Variants in PIK3CB observed in about 807,000 individuals in gnomAD.
PIK3CB encodes the protein phosphatidylinositol 4,5-bisphosphate 3-kinase catalytic subunit beta isoform.
A neutral mutation model predicts 136.8 loss-of-function variants in PIK3CB; 39 were observed. The observed-to-expected ratio is 0.29, with a 90% CI of 0.22 to 0.37. The LOEUF (loss-of-function observed/expected upper bound fraction) is 0.37. Ranked by LOEUF, PIK3CB falls within the 10% of genes least tolerant of loss-of-function variation. The pLI, the probability that PIK3CB is intolerant of heterozygous loss-of-function variation, is 1.00. For missense variants in PIK3CB, 868 were observed against 1,275.4 expected, an observed-to-expected ratio of 0.68 and a Z score of 4.87; for synonymous variants, 428 against 436.6, an observed-to-expected ratio of 0.98 and a Z score of 0.25.
intron 2 of PIK3CB, among the ~76,000 whole-genome samples, chr3:138,780,730 G>A (rs1420699786): frequency 4.0e-5 from 6 of 151,864 alleles, no homozygotes; most frequent in Non-Finnish European, 8.8e-5. Flanking sequence ...ATACAGTGGC[G>A]CCATCTTAGC....
intron 12 of PIK3CB, among the ~76,000 whole-genome samples, chr3:138,701,890 A>G (rs766927304): frequency 1.6e-4 from 24 of 151,004 alleles, no homozygotes; most frequent in South Asian, 1.2e-3. Flanking sequence ...TCATACTCAC[A>G]TGACAATATC....
At chr3:138,744,392 CAAAAAAAAAAAAAAAA>C (rs60503033) in intron 4 of PIK3CB, among the ~76,000 whole-genome samples, 18 of 45,108 alleles carry the variant, frequency 4.0e-4, no homozygotes, top group Admixed American at 2.7e-3. Flanking sequence ...GAGACTCCCC[CAAAAAAAAAAAAAAAA>C]AAAAAAAAAA....
At chr3:138,785,355 G>A (rs997816653) in intron 2 of PIK3CB, among the ~76,000 whole-genome samples, 2 of 152,186 alleles carry the variant, frequency 1.3e-5, no homozygotes, top group South Asian at 4.1e-4. Flanking sequence ...CCATGATGAC[G>A]ATGGCAGTTT....
chr3:138,704,322 C>A, intron 12 of PIK3CB, 121 bp downstream of exon 12: 1 of 766,392 alleles, frequency 1.3e-6, no homozygotes, highest in South Asian at 1.5e-5. Context: ...CTTACCCACA[C>A]TCACAGACTG....
intron 11 of PIK3CB, among the ~76,000 whole-genome samples, chr3:138,704,895 A>G (rs2044330915): frequency 6.6e-6 from 1 of 152,026 alleles, no homozygotes; most frequent in Admixed American, 6.6e-5. Flanking sequence ...CCAAAAGTAG[A>G]AGTAACGACA....
intron 2 of PIK3CB, among the ~76,000 whole-genome samples, chr3:138,791,090 T>G (rs2108814561): frequency 6.6e-6 from 1 of 152,194 alleles, no homozygotes; most frequent in South Asian, 2.1e-4. Context: ...AAAATCTGTT[T>G]TATTGTACAC....
chr3:138,819,101 C>A (rs1022620663), intron 1 of PIK3CB, among the ~76,000 whole-genome samples: 8 of 152,178 alleles, frequency 5.3e-5, no homozygotes, highest in African/African-American at 1.7e-4. Context: ...GTAATCCCAG[C>A]ACTTTGGGAG....
chr3:138,755,658 C>T, intron 4 of PIK3CB, 96 bp downstream of exon 4: 1 of 612,512 alleles, frequency 1.6e-6, no homozygotes, highest in Non-Finnish European at 2.8e-6. Context: ...GTCCATGGAC[C>T]ACACTTTGAA....
At chr3:138,800,157 T>C (rs941733100) in intron 1 of PIK3CB, among the ~76,000 whole-genome samples, 1 of 152,172 alleles carries the variant, frequency 6.6e-6, no homozygotes, top group Non-Finnish European at 1.5e-5. Flanking sequence ...CCAAGTTACC[T>C]CTTCTAAGAG....
At chr3:138,760,393 C>T (rs145367082) in intron 2 of PIK3CB, among the ~76,000 whole-genome samples, 1 of 152,262 alleles carries the variant, frequency 6.6e-6, no homozygotes, top group Non-Finnish European at 1.5e-5. Flanking sequence ...TGCCTTCCTG[C>T]TGCTAGACCT....
At chr3:138,662,366 G>GT (rs1243976802) in intron 21 of PIK3CB, among the ~76,000 whole-genome samples, 2 of 147,612 alleles carry the variant, frequency 1.4e-5, no homozygotes, top group Non-Finnish European at 3.0e-5. Context: ...GCGGTGTTTG[G>GT]TTTTTTGTCC....
In PIK3CB at chr3:138,727,056, C is replaced by CA. The variant is rs557477112; in HGVS notation, c.1050+6304dup. ...CGGAGCAAGACTGTCTTTAAAAAAA[C>CA]AAAAAACAAACAAAAAGCCCTACAA... On this transcript the variant is annotated intron_variant, in intron 8 of 23. Transcript: ENST00000674063. 3.5e-4 allele frequency among the ~76,000 whole-genome samples: 53 copies of CA among 151,758 alleles called. No homozygotes were observed. In the East Asian group the frequency reaches 5.4e-3, roughly 16 times the overall value.
rs537074470 is a variant in PIK3CB, at chr3:138,674,991, G to A, written c.2504+6976C>T. On this transcript the variant is annotated intron_variant, in intron 19 of 23. Coordinates refer to ENST00000674063, the MANE Select transcript of PIK3CB (RefSeq NM_006219.3). ...GAGAATCGTTTGAACCTGGGAGGTG[G>A]AGGTGTCAGTGAGCCGAGACCGCGC... Among the ~76,000 whole-genome samples, 4 of 152,250 alleles carry A rather than the reference G, an allele frequency of 2.6e-5. No individual in the cohort carries two copies. In the South Asian group the frequency reaches 8.3e-4, roughly 32 times the overall value.
At chr3:138,663,509 G>A (rs895538971) in intron 21 of PIK3CB, among the ~76,000 whole-genome samples, 22 of 152,110 alleles carry the variant, frequency 1.4e-4, no homozygotes, top group African/African-American at 5.1e-4. Context: ...AGTCTCCCAA[G>A]TAGCTGGGAT....
chr3:138,830,083 G>A (rs923714093), intron 1 of PIK3CB, among the ~76,000 whole-genome samples: 11 of 152,266 alleles, frequency 7.2e-5, no homozygotes, highest in Admixed American at 3.3e-4. Context: ...CAGGCCGGAA[G>A]CCCTGGGGCA....
At position 138,759,279 on chromosome 3, in the gene PIK3CB, G is replaced by A. The variant is rs1195526427; in HGVS notation, c.65C>T (p.Ser22Leu). Reference sequence around the variant, plus strand: ...TATGGAGCCATCAGATGCTATCTGTGAATCCACCGCCCAGATGTCAAGGAT... The same window carrying A: ...TATGGAGCCATCAGATGCTATCTGTAAATCCACCGCCCAGATGTCAAGGAT... ...ADILDIWAVDSQIASDGSIPV... is the reference protein window; with the variant it reads ...ADILDIWAVDLQIASDGSIPV... The change falls in exon 3 of 24, where the codon TCA (serine) becomes TTA (leucine). Residue 22 changes from serine to leucine, a missense_variant. By Grantham distance (145) the Ser-to-Leu change is moderately radical. Coordinates refer to ENST00000674063, the MANE Select transcript of PIK3CB (RefSeq NM_006219.3). 6.2e-7 allele frequency: 1 copy of A among 1,613,120 alleles called. No homozygotes were observed. The highest frequency in any genetic ancestry group is 2.2e-5 in the East Asian group (1 of 44,888).
intron 2 of PIK3CB, among the ~76,000 whole-genome samples, chr3:138,791,129 C>G (rs2046043182): frequency 6.6e-6 from 1 of 151,932 alleles, no homozygotes; most frequent in Non-Finnish European, 1.5e-5. Flanking sequence ...CTTTCAGATA[C>G]TTCAAACATC....
At position 138,694,857 on chromosome 3, in the gene PIK3CB, T is replaced by C; in HGVS notation, c.1821A>G (p.Leu607=). 4 of 1,613,110 alleles carry C rather than the reference T, an allele frequency of 2.5e-6. No individual in the cohort carries two copies. Among genetic ancestry groups the C allele is most frequent in the Non-Finnish European group, 3.4e-6 (4 of 1,179,496 alleles). ...CTGGATAGTTGAAATCCAGAAGCTC[T>C]AGGGCCTCCCGGGGGGGCAGTTTAG... ...IWPKLPPREA[L]ELLDFNYPDQ... The change falls in exon 14 of 24, where the codon CTA becomes CTG. Residue 607 remains leucine (L), a synonymous_variant. Coordinates refer to ENST00000674063, the MANE Select transcript of PIK3CB (RefSeq NM_006219.3).
chr3:138,744,596 C>T (rs2045316165), intron 4 of PIK3CB, among the ~76,000 whole-genome samples: 1 of 151,826 alleles, frequency 6.6e-6, no homozygotes, highest in African/African-American at 2.4e-5. Context: ...CACAGATATA[C>T]ATCATAATTT....
Sources: gnomAD v4.1 joint callset for allele counts (sites outside exome capture counted in the v4.1 genomes callset) on GRCh38, gnomAD v4.1.1 for gene constraint, MANE v1.5 for transcripts, NCBI Gene and HGNC (gene_info 2026-07-23, HGNC 2026-07-21) for gene names.